The following ZNF578 variants were observed in gnomAD, a reference collection of about 807,000 sequenced individuals.
The protein encoded by ZNF578 is Putative chemokine-related protein B42.
A neutral mutation model predicts 8.3 loss-of-function variants in ZNF578; 8 were observed. The observed-to-expected ratio is 0.96, with a 90% CI of 0.56 to 1.74. ZNF578 has a LOEUF of 1.74. Among genes scored for constraint, ZNF578 ranks in the 40% most tolerant of loss-of-function variants. The pLI is 0.00. For synonymous variants in ZNF578, 206 were observed against 232.2 expected, an observed-to-expected ratio of 0.89 and a Z score of 1.03; for missense variants, 726 against 707.5, an observed-to-expected ratio of 1.03 and a Z score of -0.30.
Position 52,512,059 on chromosome 19 carries a change from A to G in ZNF578, c.1678A>G (p.Ile560Val), listed in dbSNP as rs756460432. The G allele has an allele frequency of 1.3e-5, 21 of 1,613,800 alleles. No homozygotes were observed. The highest frequency in any genetic ancestry group is 1.8e-5 in the Non-Finnish European group (21 of 1,179,958). Residue 560 changes from isoleucine (I) to valine (V), a missense_variant, in exon 6 of 6, where the codon ATT (isoleucine) becomes GTT (valine). By Grantham distance (29) the Ile-to-Val change is conservative (BLOSUM62 3). Transcript: ENST00000421239. ...CHSYLANHTR[I>V]HSGEKPYKCN... is the part of the protein sequence containing the mutation. ...TTCTTATCTGGCAAACCATACTAGA[A>G]TTCATAGCGGAGAGAAACCTTACAA...
In ZNF578 at chr19:52,510,998, A is replaced by AT; in HGVS notation, c.618dup (p.Asn207Ter). 1 of 1,614,172 alleles carries AT rather than the reference A, an allele frequency of 6.2e-7. No homozygotes were observed. Among genetic ancestry groups the AT allele is most frequent in the Non-Finnish European group, 8.5e-7 (1 of 1,180,028 alleles). On this transcript the variant is annotated frameshift_variant, in exon 6 of 6. Transcript: ENST00000421239. LOFTEE classifies it low-confidence loss of function (END_TRUNC). ...TGTAGGCCTGAAACACATACTCCTA[A>AT]TAACTATGGGAATAATTTTTTCCAT...
chr19:52,488,609 A>AAAAC, intron 2 of ZNF578, among the ~76,000 whole-genome samples: 1 of 149,766 alleles, frequency 6.7e-6, no homozygotes, highest in East Asian at 2.0e-4. Context: ...ACTCCATCTC[A>AAAAC]AAACAAACAA....
At chr19:52,466,582 G>A (rs1398941150) in intron 2 of ZNF578, among the ~76,000 whole-genome samples, 1 of 152,100 alleles carries the variant, frequency 6.6e-6, no homozygotes, top group African/African-American at 2.4e-5. Flanking sequence ...TTGATGAACA[G>A]TTGATACATT....
intron 3 of ZNF578, among the ~76,000 whole-genome samples, chr19:52,493,452 A>C (rs1364795733): frequency 6.6e-6 from 1 of 152,140 alleles, no homozygotes; most frequent in Non-Finnish European, 1.5e-5. Flanking sequence ...CCCCCCGGAA[A>C]ATGCGCTTCT....
chr19:52,488,750 C>T (rs1024283595), intron 2 of ZNF578, among the ~76,000 whole-genome samples: 1 of 150,564 alleles, frequency 6.6e-6, no homozygotes, highest in Non-Finnish European at 1.5e-5. Flanking sequence ...CGTCACTGCA[C>T]ACCAGCCTGG....
intron 3 of ZNF578, among the ~76,000 whole-genome samples, chr19:52,495,841 G>T (rs1224296626): frequency 4.6e-5 from 7 of 152,010 alleles, no homozygotes; most frequent in Non-Finnish European, 1.0e-4. Flanking sequence ...ATTCGTTGTG[G>T]ATCACCCTCT....
At chr19:52,461,891 CGG>C (rs2059259205) in intron 2 of ZNF578, among the ~76,000 whole-genome samples, 1 of 152,050 alleles carries the variant, frequency 6.6e-6, no homozygotes, top group Non-Finnish European at 1.5e-5. Context: ...GGATGTGGTC[CGG>C]CTGTACCAAA....
intron 2 of ZNF578, among the ~76,000 whole-genome samples, chr19:52,468,091 A>G (rs1426310290): frequency 6.6e-6 from 1 of 152,182 alleles, no homozygotes; most frequent in Non-Finnish European, 1.5e-5. Flanking sequence ...TGAAACATAG[A>G]ATGTAGACTG....
chr19:52,454,130 C>G (rs1006874998), intron 1 of ZNF578: 12 of 152,390 alleles, frequency 7.9e-5, no homozygotes, highest in Admixed American at 6.5e-4. Context: ...GTGACGGGGC[C>G]TGGCTTTTGA....
At chr19:52,482,283 C>T (rs1405150966) in intron 2 of ZNF578, among the ~76,000 whole-genome samples, 3 of 152,142 alleles carry the variant, frequency 2.0e-5, no homozygotes, top group Admixed American at 6.5e-5. Context: ...ATCTCCCCAC[C>T]TGGGCCTCCC....
chr19:52,478,484 G>A (rs2059315014), intron 2 of ZNF578, among the ~76,000 whole-genome samples: 1 of 152,122 alleles, frequency 6.6e-6, no homozygotes, highest in Admixed American at 6.5e-5. Context: ...GCAATTGGAG[G>A]GGGCGGTACA....
intron 2 of ZNF578, among the ~76,000 whole-genome samples, chr19:52,460,162 C>T (rs998330167): frequency 1.3e-5 from 2 of 151,702 alleles, no homozygotes; most frequent in Non-Finnish European, 2.9e-5. Flanking sequence ...TCTACACACA[C>T]CCATGCCCAG....
At chr19:52,474,119 T>C (rs746110158) in intron 2 of ZNF578, 5 of 351,180 alleles carry the variant, frequency 1.4e-5, no homozygotes, top group Non-Finnish European at 3.0e-5. Flanking sequence ...GGATAAACTA[T>C]GCCTGAAGAC....
At chr19:52,477,597 GTT>G (rs34090143) in intron 2 of ZNF578, among the ~76,000 whole-genome samples, 2 of 138,832 alleles carry the variant, frequency 1.4e-5, no homozygotes, top group Admixed American at 7.2e-5. Context: ...CCATTTTAGG[GTT>G]TTTTTTTTTT....
intron 2 of ZNF578, 60 bp downstream of exon 2, chr19:52,457,018 T>G (rs558059250): frequency 6.5e-6 from 1 of 152,836 alleles, no homozygotes; most frequent in African/African-American, 2.4e-5. Flanking sequence ...ATGCCATGTG[T>G]GGTGTTATGA....
At chr19:52,484,444 G>T (rs7250006) in intron 2 of ZNF578, among the ~76,000 whole-genome samples, 82,889 of 151,902 alleles carry the variant, frequency 0.55, 22,781 homozygotes, top group African/African-American at 0.6. Flanking sequence ...CTTCCCACGA[G>T]GCCATATTTC....
At chr19:52,484,621 T>C (rs895149808) in intron 2 of ZNF578, among the ~76,000 whole-genome samples, 2 of 152,012 alleles carry the variant, frequency 1.3e-5, no homozygotes, top group Non-Finnish European at 2.9e-5. Context: ...GGCCGGTTCC[T>C]GCCTTAACTG....
Position 52,472,478 on chromosome 19 carries a change from A to G in ZNF578, c.-122+15520A>G, listed in dbSNP as rs185480015. On this transcript the variant is annotated intron_variant, in intron 2 of 5. Coordinates refer to ENST00000421239, the MANE Select transcript of ZNF578 (RefSeq NM_001099694.2). ...ATATAACTGTTCTCTCTTCCATTTC[A>G]AAAATAAGACTATAGTTCATCAATT... 3.4e-4 allele frequency among the ~76,000 whole-genome samples: 52 copies of G among 152,306 alleles called. 2 individuals are homozygous for G. In the South Asian group the frequency reaches 6.6e-3, roughly 19 times the overall value.
At chr19:52,484,830 G>A (rs1343576194) in intron 2 of ZNF578, among the ~76,000 whole-genome samples, 51 of 143,266 alleles carry the variant, frequency 3.6e-4, no homozygotes, top group South Asian at 9.0e-4. Flanking sequence ...CCTATAAAAC[G>A]GCCCCACCCC....
Sources: allele counts gnomAD v4.1 joint callset (sites outside exome capture counted in the v4.1 genomes callset), GRCh38; gene constraint gnomAD v4.1.1; transcripts MANE v1.5; gene names NCBI Gene and HGNC (gene_info 2026-07-23, HGNC 2026-07-21).